Variants in FYN observed in about 807,000 individuals in gnomAD.
The protein encoded by FYN is tyrosine-protein kinase Fyn.
In FYN, 10 loss-of-function variants were observed where a neutral mutation model predicts 70.2. The observed-to-expected ratio is 0.14, with a 90% CI of 0.09 to 0.24. The LOEUF is 0.24. Ranked by LOEUF, FYN falls within the 10% of genes least tolerant of loss-of-function variation. The pLI is 1.00. For synonymous variants in FYN, 236 were observed against 248.6 expected (o/e 0.95, Z 0.48); for missense variants, 319 against 673.1 (o/e 0.47, Z 5.82).
intron 1 of FYN, among the ~76,000 whole-genome samples, chr6:111,855,560 A>G (rs1437017550): frequency 6.6e-6 from 1 of 152,214 alleles, no homozygotes; most frequent in East Asian, 1.9e-4. Context: ...GACAAAGCCA[A>G]TACTAAATAC....
intron 3 of FYN, among the ~76,000 whole-genome samples, chr6:111,763,573 G>A (rs1260653461): frequency 6.6e-6 from 1 of 152,100 alleles, no homozygotes; most frequent in African/African-American, 2.4e-5. Context: ...ACATTTTATT[G>A]TGAACAATTT....
chr6:111,846,242 G>A (rs927458594), intron 2 of FYN, among the ~76,000 whole-genome samples: 4 of 152,102 alleles, frequency 2.6e-5, no homozygotes, highest in Non-Finnish European at 4.4e-5. Context: ...GAGGATAGGC[G>A]CTCCCCATTC....
At chr6:111,671,965 C>G in intron 13 of FYN, among the ~76,000 whole-genome samples, 1 of 152,128 alleles carries the variant, frequency 6.6e-6, no homozygotes, top group East Asian at 1.9e-4. Flanking sequence ...CAGGAAGAAC[C>G]CATGGCTAGG....
intron 13 of FYN, among the ~76,000 whole-genome samples, chr6:111,664,103 G>T (rs77398041): frequency 0.012 from 1,888 of 152,330 alleles, 13 homozygotes; most frequent in Middle Eastern, 0.02. Context: ...AGAAAGATTA[G>T]GAAGAGTGTG....
In FYN at chr6:111,700,287, G is replaced by T. The variant is rs975372816; in HGVS notation, c.698-19C>A. 3 of 1,613,174 alleles carry T rather than the reference G, an allele frequency of 1.9e-6. No individual in the cohort carries two copies. Among genetic ancestry groups the T allele is most frequent in the Non-Finnish European group, 1.7e-6 (2 of 1,179,568 alleles). ...GCTCTCTCTGATGGAGCAGGGCAGG[G>T]GCAGGAGAGGGAGAGAAGAGCAGAA... On this transcript the variant is annotated intron_variant, in intron 8 of 13. Coordinates refer to ENST00000354650, the MANE Select transcript of FYN (RefSeq NM_002037.5).
At chr6:111,731,184 G>T (rs1397700962) in intron 3 of FYN, among the ~76,000 whole-genome samples, 1 of 152,218 alleles carries the variant, frequency 6.6e-6, no homozygotes, top group African/African-American at 2.4e-5. Context: ...CTCTATAGAG[G>T]TTCCTCGCCA....
chr6:111,782,600 G>C (rs1298803385), intron 2 of FYN, among the ~76,000 whole-genome samples: 1 of 152,184 alleles, frequency 6.6e-6, no homozygotes, highest in African/African-American at 2.4e-5. Flanking sequence ...CAGACTAGCT[G>C]TTCAATCATT....
chr6:111,673,622 G>GTTTTTTTTTTTTT lies in FYN; in HGVS notation c.1405+864_1405+876dup, dbSNP rs71021858. On this transcript the variant is annotated intron_variant, in intron 13 of 13. Coordinates refer to ENST00000354650, the MANE Select transcript of FYN (RefSeq NM_002037.5). ...AATCGTCACTATCGTTTCTATCATT[G>GTTTTTTTTTTTTT]TTTTTTTTTTTTTTTTTTTCTTTAA... is the stretch of plus-strand genomic sequence containing the variant. Among the ~76,000 whole-genome samples the GTTTTTTTTTTTTT allele has an allele frequency of 8.7e-4, 101 of 116,568 alleles. 9 individuals carry two copies. Among genetic ancestry groups the GTTTTTTTTTTTTT allele is most frequent in the East Asian group, 2.1e-3 (8 of 3,790 alleles). The allele number at this position is 116,568 out of a possible 152,430, so 76.5% of individuals were successfully genotyped here.
intron 2 of FYN, among the ~76,000 whole-genome samples, chr6:111,801,643 T>A (rs1771988657): frequency 6.6e-6 from 1 of 152,198 alleles, no homozygotes; most frequent in Admixed American, 6.5e-5. Context: ...GTCCAGATCC[T>A]ACTAGAAAAA....
intron 2 of FYN, among the ~76,000 whole-genome samples, chr6:111,822,676 A>G (rs529548716): frequency 2.6e-5 from 4 of 151,522 alleles, no homozygotes; most frequent in Admixed American, 1.3e-4. Context: ...AATAATCTAA[A>G]AAATAAATAA....
chr6:111,818,235 C>T (rs1562532389), intron 2 of FYN, among the ~76,000 whole-genome samples: 1 of 152,102 alleles, frequency 6.6e-6, no homozygotes, highest in African/African-American at 2.4e-5. Context: ...GAAGAGGGAC[C>T]ACTGGGAGAA....
At chr6:111,800,026 T>C (rs964365985) in intron 2 of FYN, among the ~76,000 whole-genome samples, 2 of 152,320 alleles carry the variant, frequency 1.3e-5, no homozygotes, top group Non-Finnish European at 2.9e-5. Flanking sequence ...TATTCAGTAG[T>C]TGCTGTACTT....
rs1383978255 is a variant in FYN, at chr6:111,720,055, C to T, written c.-4G>A. ...CCTTACATTGCACACAGCCCATTAT[C>T]TAAATTCCTGCCAAAGACAAAAAAG... On this transcript the variant is annotated 5_prime_UTR_variant, in exon 4 of 14. Coordinates refer to ENST00000354650, the MANE Select transcript of FYN (RefSeq NM_002037.5). 3 of 1,584,464 alleles carry T rather than the reference C, an allele frequency of 1.9e-6. No homozygotes were observed. Among genetic ancestry groups the T allele is most frequent in the Non-Finnish European group, 2.6e-6 (3 of 1,160,382 alleles).
At chr6:111,740,899 A>G (rs1349739260) in intron 3 of FYN, 1 of 152,228 alleles carries the variant, frequency 6.6e-6, no homozygotes, top group Non-Finnish European at 1.5e-5. Context: ...ATTTGAGCCC[A>G]GAAGTTTGAG....
chr6:111,701,294 A>C (rs1051175754), intron 8 of FYN, among the ~76,000 whole-genome samples: 2 of 152,214 alleles, frequency 1.3e-5, no homozygotes, highest in African/African-American at 4.8e-5. Context: ...ATAAGAAATC[A>C]GGGAGTGACA....
At chr6:111,703,876 T>C (rs746624524) in intron 7 of FYN, 123 bp downstream of exon 7, 3 of 713,508 alleles carry the variant, frequency 4.2e-6, no homozygotes, top group African/African-American at 1.8e-5. Context: ...AGGACTCCAC[T>C]CACAAGGCAG....
chr6:111,742,967 C>CT (rs111682950), intron 3 of FYN, among the ~76,000 whole-genome samples: 1,819 of 139,222 alleles, frequency 0.013, 27 homozygotes, highest in African/African-American at 0.037. Context: ...TGATAAGAAT[C>CT]TTTTTTTTTT....
chr6:111,719,832 C>T lies in FYN; in HGVS notation c.220G>A (p.Gly74Arg). ...GTTCCTCCTCTCGTACGCAAGGTCCCCGTATGAGACGAAGAGTTCACACCT... is the reference window on the plus strand; with the variant it reads ...GTTCCTCCTCTCGTACGCAAGGTCCTCGTATGAGACGAAGAGTTCACACCT... Reference protein sequence around the residue: ...FGGVNSSSHTGTLRTRGGTGV... With the variant: ...FGGVNSSSHTRTLRTRGGTGV... Residue 74 changes from glycine to arginine, a missense_variant, in exon 4 of 14, where the codon GGG becomes AGG. Gly to Arg is a moderately radical substitution (Grantham distance 125). Transcript: ENST00000354650. The T allele has an allele frequency of 1.2e-6, 2 of 1,614,148 alleles. No individual in the cohort carries two copies. The highest frequency in any genetic ancestry group is 1.7e-6 in the Non-Finnish European group (2 of 1,180,028).
At chr6:111,855,288 TA>T (rs1389534077) in intron 1 of FYN, among the ~76,000 whole-genome samples, 2 of 152,206 alleles carry the variant, frequency 1.3e-5, no homozygotes, top group Admixed American at 6.5e-5. Context: ...AATGCTACTG[TA>T]AATTGTAAAA....
Sources: allele counts gnomAD v4.1 joint callset (sites outside exome capture counted in the v4.1 genomes callset), GRCh38; gene constraint gnomAD v4.1.1; transcripts MANE v1.5; gene names NCBI Gene and HGNC (gene_info 2026-07-23, HGNC 2026-07-21).